Variants in DNAH14 observed in about 807,000 individuals in gnomAD.
DNAH14 encodes axonemal beta dynein heavy chain 14.
In DNAH14, 478 loss-of-function variants were observed where a neutral mutation model predicts 520.9. That is an observed-to-expected ratio of 0.92 (90% CI 0.85 to 0.99). DNAH14 has a LOEUF of 0.99. Among genes scored for constraint, DNAH14 ranks in the 50% least tolerant of loss-of-function variants. The pLI is 0.00. For missense variants in DNAH14, 4,831 were observed against 5,234.5 expected (o/e 0.92, Z 2.38); for synonymous variants, 1,581 against 1,757.2 (o/e 0.90, Z 2.51).
Position 225,392,307 on chromosome 1 carries a change from G to A in DNAH14, c.13347G>A (p.Val4449=), listed in dbSNP as rs748932308. The change falls in exon 84 of 86, where the codon GTG becomes GTA. Residue 4449 remains valine (V), a synonymous_variant. Coordinates refer to ENST00000682510, the MANE Select transcript of DNAH14 (RefSeq NM_001367479.1). The part of the protein sequence containing the change: ...FFFPQAFLAA[V]LQDYGRSRGI... ...TCTCCAAAGCCTTTCTTGCTGCTGT[G>A]CTTCAAGACTATGGGAGGTCCCGAG... The A allele has an allele frequency of 1.3e-6, 2 of 1,552,344 alleles. No homozygotes were observed. Among genetic ancestry groups the A allele is most frequent in the South Asian group, 2.4e-5 (2 of 84,064 alleles).
At chr1:225,175,621 A>G (rs914593044) in intron 36 of DNAH14, among the ~76,000 whole-genome samples, 1 of 137,438 alleles carries the variant, frequency 7.3e-6, no homozygotes, top group African/African-American at 2.7e-5. Context: ...TTTACTCCCT[A>G]TTCTCTCATC....
At chr1:225,117,318 G>A (rs942018778) in intron 23 of DNAH14, among the ~76,000 whole-genome samples, 2 of 151,510 alleles carry the variant, frequency 1.3e-5, no homozygotes, top group African/African-American at 4.8e-5. Context: ...GGAAAGCAAT[G>A]TTGATAATAC....
chr1:225,276,983 AAGGGAGGGAGGAAGGAAGGGAGGG>A (rs2093488817), intron 53 of DNAH14, among the ~76,000 whole-genome samples: 1 of 35,594 alleles, frequency 2.8e-5, no homozygotes, highest in African/African-American at 1.5e-4. Context: ...GGAAGGAAGG[AAGGGAGGGAGGAAGGAAGGGAGGG>A]AGGGAGGGAG....
chr1:225,313,994 G>A (rs2094420547), intron 60 of DNAH14, among the ~76,000 whole-genome samples: 1 of 152,124 alleles, frequency 6.6e-6, no homozygotes, highest in African/African-American at 2.4e-5. Flanking sequence ...GAATATCCTT[G>A]TTAATTTTCT....
At chr1:225,391,364 C>T (rs1416124328) in intron 83 of DNAH14, among the ~76,000 whole-genome samples, 1 of 152,162 alleles carries the variant, frequency 6.6e-6, no homozygotes, top group Non-Finnish European at 1.5e-5. Flanking sequence ...CCCAGCTACT[C>T]AGGAGGCTGA....
intron 11 of DNAH14, among the ~76,000 whole-genome samples, chr1:225,025,561 A>G (rs534393712): frequency 6.6e-4 from 100 of 151,846 alleles, no homozygotes; most frequent in Non-Finnish European, 8.8e-4. Context: ...GCGAAACCCC[A>G]TCTCTACAAA....
intron 27 of DNAH14, among the ~76,000 whole-genome samples, chr1:225,124,334 G>A (rs750811898): frequency 6.6e-5 from 10 of 152,140 alleles, no homozygotes; most frequent in East Asian, 1.9e-4. Context: ...TCTTTGTAGC[G>A]TGCGATGCTT....
rs1427318033 is a variant in DNAH14 at position 225,374,272 on chromosome 1, T to A, written c.12319-416T>A. Among the ~76,000 whole-genome samples the A allele has an allele frequency of 1.8e-4, 23 of 128,500 alleles. 1 individual carries two copies. Among genetic ancestry groups the A allele is most frequent in the African/African-American group, 5.0e-4 (16 of 32,014 alleles). 84.3% of individuals were successfully genotyped at this position (128,500 alleles called of 152,430 possible). On this transcript the variant is annotated intron_variant, in intron 77 of 85. Coordinates refer to ENST00000682510, the MANE Select transcript of DNAH14 (RefSeq NM_001367479.1). ...TCTATATATATATATATATATATAT[T>A]TTTTTTTGAGATAGAGTCTCACTCT...
intron 27 of DNAH14, among the ~76,000 whole-genome samples, chr1:225,125,897 C>T (rs2077672815): frequency 6.6e-6 from 1 of 152,116 alleles, no homozygotes; most frequent in Non-Finnish European, 1.5e-5. Flanking sequence ...GTTCTTTTTA[C>T]TTGAACACTT....
chr1:225,377,330 A>T lies in DNAH14; in HGVS notation c.12610A>T (p.Ile4204Leu). ...PDDDLPEVLG[I>L]HPEAIRSCWE... ...TGATGACCTTCCCGAGGTCTTAGGA[A>T]TACACCCAGAGGCCATCAGGAGCTG... The change falls in exon 79 of 86, where the codon ATA becomes TTA. Residue 4204 changes from isoleucine (I) to leucine (L), a missense_variant. Physicochemically the swap from Ile to Leu is conservative, Grantham distance 5 (BLOSUM62 2). Transcript: ENST00000682510. 1 of 1,550,870 alleles carries T rather than the reference A, an allele frequency of 6.4e-7. No individual in the cohort carries two copies. The highest frequency in any genetic ancestry group is 8.7e-7 in the Non-Finnish European group (1 of 1,146,614).
intron 27 of DNAH14, among the ~76,000 whole-genome samples, chr1:225,132,338 G>A (rs990209094): frequency 6.6e-6 from 1 of 151,950 alleles, no homozygotes; most frequent in African/African-American, 2.4e-5. Context: ...CCCATTAGCT[G>A]TTCTTCCTGA....
At chr1:225,124,406 C>G (rs898385579) in intron 27 of DNAH14, among the ~76,000 whole-genome samples, 2 of 152,218 alleles carry the variant, frequency 1.3e-5, no homozygotes, top group African/African-American at 4.8e-5. Flanking sequence ...CTCTCAAACT[C>G]TGCCGCTGCT....
At chr1:225,303,027 C>A in intron 56 of DNAH14, 129 bp from the exon 57 acceptor site, 1 of 698,624 alleles carries the variant, frequency 1.4e-6, no homozygotes, top group Non-Finnish European at 2.2e-6. Context: ...ACTCCATGCA[C>A]AAATGATCAG....
chr1:225,101,680 T>A (rs2075474463), intron 23 of DNAH14, among the ~76,000 whole-genome samples: 2 of 152,176 alleles, frequency 1.3e-5, no homozygotes, highest in Admixed American at 6.6e-5. Flanking sequence ...TTCTTGCAGA[T>A]GACAAGATCT....
chr1:225,099,970 G>C (rs1011775215), intron 22 of DNAH14, among the ~76,000 whole-genome samples: 2 of 152,054 alleles, frequency 1.3e-5, no homozygotes, highest in South Asian at 4.1e-4. Context: ...TGGGAGAGGG[G>C]TGGGAAATAT....
chr1:225,156,658 A>G (rs1168386853), intron 34 of DNAH14, among the ~76,000 whole-genome samples: 1 of 149,220 alleles, frequency 6.7e-6, no homozygotes, highest in Non-Finnish European at 1.5e-5. Context: ...ATTAGGATAC[A>G]TGTGATTTTA....
Position 225,258,064 on chromosome 1 carries a change from C to T in DNAH14, c.6970C>T (p.Leu2324Phe), listed in dbSNP as rs913045746. The T allele has an allele frequency of 9.0e-6, 14 of 1,548,864 alleles. No homozygotes were observed. The highest frequency in any genetic ancestry group is 5.9e-5 in the Admixed American group (3 of 50,606). The change falls in exon 45 of 86, where the codon CTT (leucine) becomes TTT (phenylalanine). Residue 2324 changes from leucine (L) to phenylalanine (F), a missense_variant. Coordinates refer to ENST00000682510, the MANE Select transcript of DNAH14 (RefSeq NM_001367479.1). ...NYTATRDTTC[L>F]SFLMSLLLKN... ...TACCGCTACCAGAGACACAACATGC[C>T]TTTCTTTTCTCATGAGCCTTCTTTT...
At chr1:225,121,827 C>T (rs1201418153) in intron 26 of DNAH14, among the ~76,000 whole-genome samples, 10 of 151,104 alleles carry the variant, frequency 6.6e-5, no homozygotes, top group Admixed American at 1.3e-4. Context: ...GGTGACAGAG[C>T]GAGACTCCAT....
intron 17 of DNAH14, among the ~76,000 whole-genome samples, chr1:225,061,610 T>C (rs1342834042): frequency 6.6e-6 from 1 of 152,200 alleles, no homozygotes; most frequent in Non-Finnish European, 1.5e-5. Flanking sequence ...TCGCTCATGC[T>C]GGGAGCTGTA....
Sources: gnomAD v4.1 joint callset for allele counts (sites outside exome capture counted in the v4.1 genomes callset) on GRCh38, gnomAD v4.1.1 for gene constraint, MANE v1.5 for transcripts, NCBI Gene and HGNC (gene_info 2026-07-23, HGNC 2026-07-21) for gene names.